RNF144A: variants seen among roughly 807,000 people sequenced by gnomAD.
RNF144A encodes E3 ubiquitin-protein ligase RNF144A.
In RNF144A, 11 loss-of-function variants were observed where a neutral mutation model predicts 38.7. The observed-to-expected ratio is 0.28, with a 90% CI of 0.18 to 0.47. RNF144A has a LOEUF of 0.47. Among genes scored for constraint, RNF144A ranks in the 20% least tolerant of loss-of-function variants. The pLI is 0.99. For synonymous variants in RNF144A, 149 were observed against 143.9 expected, an observed-to-expected ratio of 1.04 and a Z score of -0.25; for missense variants, 316 against 377.2, an observed-to-expected ratio of 0.84 and a Z score of 1.34.
At chr2:7,075,540 G>T in the RNF144A span, among the ~76,000 whole-genome samples, 1 of 152,136 alleles carries the variant, frequency 6.6e-6, no homozygotes, top group African/African-American at 2.4e-5. Flanking sequence ...GATGCAACTG[G>T]TGGCTTTATA....
chr2:6,946,710 T>G (rs1167930515), intron 2 of RNF144A, among the ~76,000 whole-genome samples: 1 of 152,190 alleles, frequency 6.6e-6, no homozygotes, highest in African/African-American at 2.4e-5. Context: ...TGAAGCATTT[T>G]TAATAATAAA....
At chr2:6,986,262 T>A (rs573209149) in intron 2 of RNF144A, among the ~76,000 whole-genome samples, 2 of 152,058 alleles carry the variant, frequency 1.3e-5, no homozygotes, top group South Asian at 4.2e-4. Flanking sequence ...TTTTTTTTTT[T>A]AAAGCTTTCG....
intron 3 of RNF144A, among the ~76,000 whole-genome samples, chr2:7,008,342 C>T (rs1235958823): frequency 6.6e-6 from 1 of 152,254 alleles, no homozygotes; most frequent in African/African-American, 2.4e-5. Context: ...GGCCCGGCTG[C>T]AGGTTGTGCC....
At chr2:6,978,814 G>A (rs928480877) in intron 2 of RNF144A, 2 of 152,618 alleles carry the variant, frequency 1.3e-5, no homozygotes, top group Non-Finnish European at 2.9e-5. Flanking sequence ...CACCTGTGGG[G>A]ATCATCACCA....
rs747270785 is a variant in RNF144A, at chr2:6,996,926, G to T, written c.-1G>T. 1.2e-6 allele frequency: 2 copies of T among 1,613,544 alleles called. No homozygotes were observed. Among genetic ancestry groups the T allele is most frequent in the Non-Finnish European group, 1.7e-6 (2 of 1,179,850 alleles). ...CTTCTCTCGTTTCAGACTGTTCTGC[G>T]ATGACCACAACAAGGTACCGGCCCA... On this transcript the variant is annotated 5_prime_UTR_variant, in exon 3 of 9. Coordinates refer to ENST00000320892, the MANE Select transcript of RNF144A (RefSeq NM_014746.6).
At chr2:7,048,808 T>G (rs1673407156), downstream of RNF144A, among the ~76,000 whole-genome samples, 1 of 152,240 alleles carries the variant, frequency 6.6e-6, no homozygotes, top group South Asian at 2.1e-4. Context: ...TGGTGAAGTC[T>G]ACTCAACCTT....
chr2:7,045,274 G>C (rs1296877951), downstream of RNF144A, among the ~76,000 whole-genome samples: 1 of 152,216 alleles, frequency 6.6e-6, no homozygotes, highest in Non-Finnish European at 1.5e-5. Flanking sequence ...CTGTGTGGGA[G>C]GAGTGAGTTA....
intron 2 of RNF144A, 43 bp from the exon 3 acceptor site, chr2:6,996,873 C>G: frequency 6.3e-7 from 1 of 1,595,564 alleles, no homozygotes; most frequent in Non-Finnish European, 8.6e-7. Context: ...AGGTGGATGC[C>G]AGGGGTGGGG....
intron 1 of RNF144A, among the ~76,000 whole-genome samples, chr2:6,939,490 T>C (rs953797596): frequency 2.9e-4 from 44 of 152,382 alleles, no homozygotes; most frequent in Non-Finnish European, 6.3e-4. Context: ...TTATCAGATA[T>C]ATGATTTGCA....
At chr2:6,972,935 T>G (rs952236453) in intron 2 of RNF144A, among the ~76,000 whole-genome samples, 5 of 152,172 alleles carry the variant, frequency 3.3e-5, no homozygotes, top group African/African-American at 1.2e-4. Flanking sequence ...ATGGTCACGT[T>G]TATGGTTTGA....
chr2:7,016,276 T>C (rs1253991988), intron 5 of RNF144A, among the ~76,000 whole-genome samples: 2 of 152,172 alleles, frequency 1.3e-5, no homozygotes, highest in Admixed American at 6.5e-5. Flanking sequence ...TGCCATTTGG[T>C]ACAAAAGTCA....
chr2:7,039,395 A>ATGGATGGATGGATAGATGGATGGGTAGG (rs1672899914), intron 8 of RNF144A, among the ~76,000 whole-genome samples: 1 of 150,384 alleles, frequency 6.6e-6, no homozygotes, highest in Non-Finnish European at 1.5e-5. Flanking sequence ...AGATGGGTAG[A>ATGGATGGATGGATAGATGGATGGGTAGG]TGGATGGATG....
At chr2:6,939,430 GTTGTCT>G (rs1665822836) in intron 1 of RNF144A, among the ~76,000 whole-genome samples, 1 of 152,156 alleles carries the variant, frequency 6.6e-6, no homozygotes. Context: ...TTACATTTGG[GTTGTCT>G]TTGGATTGTT....
downstream of RNF144A, among the ~76,000 whole-genome samples, chr2:7,044,354 A>G (rs976723622): frequency 1.3e-5 from 2 of 151,980 alleles, no homozygotes; most frequent in African/African-American, 4.8e-5. Flanking sequence ...ATCACTGGGA[A>G]AACAGCTCTT....
chr2:7,069,391 T>C (rs1168670294), downstream of RNF144A, among the ~76,000 whole-genome samples: 1 of 152,270 alleles, frequency 6.6e-6, no homozygotes, highest in Admixed American at 6.5e-5. Context: ...TGGAAGTTTT[T>C]CTGCCAGGCA....
Position 7,042,417 on chromosome 2 carries a change from C to T in RNF144A, c.*2657C>T. 4.1e-6 allele frequency: 4 copies of T among 985,476 alleles called. No individual in the cohort carries two copies. The highest frequency in any genetic ancestry group is 4.8e-6 in the Non-Finnish European group (4 of 829,950). The allele number at this position is 985,476 out of a possible 1,614,324, so 61.0% of individuals were successfully genotyped here. On this transcript the variant is annotated 3_prime_UTR_variant, in exon 9 of 9. Transcript: ENST00000320892. The stretch of plus-strand genomic sequence containing the variant: ...CATTCACTCTTACAGATGGTGTTCA[C>T]TGCAAGCCCCAGAAGCATATGGCAT...
chr2:6,990,440 C>CTATA (rs558896860), intron 2 of RNF144A, among the ~76,000 whole-genome samples: 1 of 64,760 alleles, frequency 1.5e-5, no homozygotes, highest in African/African-American at 4.9e-5. Flanking sequence ...ACACACAGAG[C>CTATA]TATATATATA....
chr2:6,935,570 AG>A (rs1251525102), intron 1 of RNF144A, among the ~76,000 whole-genome samples: 1 of 152,174 alleles, frequency 6.6e-6, no homozygotes, highest in South Asian at 2.1e-4. Context: ...AACAGCATGT[AG>A]ATGGGATGGC....
At chr2:7,011,194 A>T (rs534367750) in intron 3 of RNF144A, among the ~76,000 whole-genome samples, 1 of 152,228 alleles carries the variant, frequency 6.6e-6, no homozygotes, top group African/African-American at 2.4e-5. Flanking sequence ...TATGGGATAC[A>T]TATAGATAAT....
Sources: gnomAD v4.1 joint callset for allele counts (sites outside exome capture counted in the v4.1 genomes callset) on GRCh38, gnomAD v4.1.1 for gene constraint, MANE v1.5 for transcripts, NCBI Gene and HGNC (gene_info 2026-07-23, HGNC 2026-07-21) for gene names.